SAMD4A: variants seen among roughly 807,000 people sequenced by gnomAD.
SAMD4A encodes protein Smaug homolog 1.
SAMD4A carries 33 observed loss-of-function variants against 81.3 expected under a neutral mutation model. The observed-to-expected ratio is 0.41, with a 90% CI of 0.31 to 0.54. The LOEUF (loss-of-function observed/expected upper bound fraction) is 0.54. Ranked by LOEUF, SAMD4A falls within the 20% of genes least tolerant of loss-of-function variation. The probability of loss-of-function intolerance (pLI) is 0.37; values close to 1 mark genes in which losing one functional copy is unlikely to be tolerated. For missense variants in SAMD4A, 854 were observed against 951.1 expected (o/e 0.90, Z 1.34); for synonymous variants, 389 against 382.1 (o/e 1.02, Z -0.21).
In SAMD4A at chr14:54,593,565, A is replaced by AGAAAT. The variant is rs1448853272; in HGVS notation, c.196+25459_196+25463dup. ...GAAGGAAAGAGGAGATGATTTCAGGAGAAATGAAATCCTGTAAATTATCAT... is the reference window on the plus strand; with the variant it reads ...GAAGGAAAGAGGAGATGATTTCAGGAGAAATGAAATGAAATCCTGTAAATTATCAT... On this transcript the variant is annotated intron_variant, in intron 2 of 12. Transcript: ENST00000554335. Among the ~76,000 whole-genome samples, 4 of 152,324 alleles carry AGAAAT rather than the reference A, an allele frequency of 2.6e-5. No individual in the cohort carries two copies. The East Asian group carries it at 7.7e-4, about 29-fold the overall frequency.
At chr14:54,593,200 A>G (rs1029722043) in intron 2 of SAMD4A, among the ~76,000 whole-genome samples, 23 of 152,278 alleles carry the variant, frequency 1.5e-4, no homozygotes, top group African/African-American at 5.3e-4. Flanking sequence ...GAAAATTTAG[A>G]TGATTTCTAG....
At chr14:54,579,970 C>T (rs1194877308) in intron 2 of SAMD4A, among the ~76,000 whole-genome samples, 1 of 152,146 alleles carries the variant, frequency 6.6e-6, no homozygotes, top group East Asian at 1.9e-4. Context: ...TGGAAATTTT[C>T]AGAACATTAG....
intron 2 of SAMD4A, among the ~76,000 whole-genome samples, chr14:54,673,458 T>G (rs1395868932): frequency 6.6e-6 from 1 of 152,250 alleles, no homozygotes; most frequent in Non-Finnish European, 1.5e-5. Flanking sequence ...ATGGCTACCT[T>G]GTACTCAACC....
At chr14:54,587,201 G>A (rs184036660) in intron 2 of SAMD4A, among the ~76,000 whole-genome samples, 1 of 152,030 alleles carries the variant, frequency 6.6e-6, no homozygotes, top group African/African-American at 2.4e-5. Context: ...TGTGAAAGGG[G>A]TTGAGTTCTC....
rs923306836 is a variant in SAMD4A, at chr14:54,770,220, A to G, written c.1713A>G (p.Arg571=). 11 of 1,600,918 alleles carry G rather than the reference A, an allele frequency of 6.9e-6. No individual in the cohort carries two copies. The highest frequency in any genetic ancestry group is 1.7e-5 in the Admixed American group (1 of 59,650). Residue 571 remains arginine, a splice_region_variant and synonymous_variant, in exon 9 of 13, where the codon AGA becomes AGG. Transcript: ENST00000554335. ...ACATATCAGGATATCGACAGCAAAG[A>G]AAGTATGTTGGGATTTCATTCTTTG... ...LLDISGYRQQ[R]NRGFGQSNSL...
rs557245092 is a variant in SAMD4A, at chr14:54,786,989, T to C, written c.2129-1927T>C. Among the ~76,000 whole-genome samples, 4 of 152,342 alleles carry C rather than the reference T, an allele frequency of 2.6e-5. No homozygotes were observed. The South Asian group carries it at 8.3e-4, about 32-fold the overall frequency. ...GCAAATTAAGTTCAGGGTGGCCTAG[T>C]TGGGCACAGTGGCAGTGTGCCCTCC... On this transcript the variant is annotated intron_variant, in intron 12 of 12. Coordinates refer to ENST00000554335, the MANE Select transcript of SAMD4A (RefSeq NM_015589.6).
rs546835415 is a variant in SAMD4A at position 54,791,876 on chromosome 14, C to T, written c.*2932C>T. 5 of 152,218 alleles carry T rather than the reference C, an allele frequency of 3.3e-5. No homozygotes were observed. In the South Asian group the frequency reaches 1.0e-3, roughly 32 times the overall value. 9.4% of individuals were successfully genotyped at this position (152,218 alleles called of 1,614,324 possible). A position where few individuals can be genotyped will look rare whatever the true frequency, so the allele number is the denominator to read the frequency against. ...TTTTTTTGTATTTACCCATTGACCC[C>T]CACCAAATGCAACTGTTTTATATTA... On this transcript the variant is annotated 3_prime_UTR_variant, in exon 13 of 13. Coordinates refer to ENST00000554335, the MANE Select transcript of SAMD4A (RefSeq NM_015589.6).
intron 3 of SAMD4A, among the ~76,000 whole-genome samples, chr14:54,706,303 G>GAAGA (rs2036855331): frequency 8.7e-6 from 1 of 115,084 alleles, no homozygotes; most frequent in Non-Finnish European, 1.8e-5. Flanking sequence ...AAAAGAAGAA[G>GAAGA]AAGAAGAAAG....
At chr14:54,571,021 T>C (rs113226036) in intron 2 of SAMD4A, among the ~76,000 whole-genome samples, 1,639 of 97,826 alleles carry the variant, frequency 0.017, 33 homozygotes, top group African/African-American at 0.047. Context: ...TGGGACTCGA[T>C]CTCAGTATAA....
chr14:54,604,685 T>C (rs998136156), intron 2 of SAMD4A, among the ~76,000 whole-genome samples: 9 of 152,264 alleles, frequency 5.9e-5, no homozygotes, highest in African/African-American at 1.9e-4. Context: ...CTTAAATTTA[T>C]GTTCTATCTA....
intron 3 of SAMD4A, among the ~76,000 whole-genome samples, chr14:54,707,673 TG>T (rs1221011338): frequency 6.6e-6 from 1 of 151,802 alleles, no homozygotes; most frequent in Non-Finnish European, 1.5e-5. Flanking sequence ...TGAAACAGGG[TG>T]GTCAGGGTAG....
chr14:54,738,580 A>C lies in SAMD4A; in HGVS notation c.979+1293A>C, dbSNP rs141800617. Reference sequence around the variant, plus strand: ...AAAGCCATGTGTCACTTGGGTACGAAGGGGATGTATGTCCTCTTTCTACTT... The same window carrying C: ...AAAGCCATGTGTCACTTGGGTACGACGGGGATGTATGTCCTCTTTCTACTT... On this transcript the variant is annotated intron_variant, in intron 4 of 12. Coordinates refer to ENST00000554335, the MANE Select transcript of SAMD4A (RefSeq NM_015589.6). Among the ~76,000 whole-genome samples, 403 of 152,338 alleles carry C rather than the reference A, an allele frequency of 2.6e-3. 1 individual carries two copies. The highest frequency in any genetic ancestry group is 9.1e-3 in the African/African-American group (380 of 41,570).
Position 54,675,367 on chromosome 14 carries a change from C to CAAAAAAAAAAAAAAAAAAA in SAMD4A, c.197-26693_197-26675dup, listed in dbSNP as rs59110762. ...GGCAACAAGAGTGAAACTCCGTCTC[C>CAAAAAAAAAAAAAAAAAAA]AAAAAAAAAAAAAAAAAAAAGGCAG... On this transcript the variant is annotated intron_variant, in intron 2 of 12. Transcript: ENST00000554335. 2.4e-3 allele frequency among the ~76,000 whole-genome samples: 178 copies of CAAAAAAAAAAAAAAAAAAA among 75,352 alleles called. 7 individuals carry two copies. The highest frequency in any genetic ancestry group is 7.4e-3 in the East Asian group (12 of 1,628). 49.4% of individuals were successfully genotyped at this position (75,352 alleles called of 152,430 possible). A position where few individuals can be genotyped will look rare whatever the true frequency, so the allele number is the denominator to read the frequency against.
chr14:54,763,599 T>C (rs2038461393), intron 7 of SAMD4A, among the ~76,000 whole-genome samples: 1 of 152,208 alleles, frequency 6.6e-6, no homozygotes, highest in South Asian at 2.1e-4. Context: ...CAATCAGCCA[T>C]GCAGGGTTAG....
At chr14:54,594,494 A>G (rs7161002) in intron 2 of SAMD4A, among the ~76,000 whole-genome samples, 1,974 of 152,334 alleles carry the variant, frequency 0.013, 42 homozygotes, top group African/African-American at 0.045. Flanking sequence ...TTTGAAGTAT[A>G]CAGACCACAT....
intron 2 of SAMD4A, among the ~76,000 whole-genome samples, chr14:54,664,200 A>G (rs2035706261): frequency 6.6e-6 from 1 of 152,176 alleles, no homozygotes. Context: ...TCTTTAAAGA[A>G]AGAGAACCTG....
At chr14:54,590,823 G>T (rs1044836793) in intron 2 of SAMD4A, among the ~76,000 whole-genome samples, 1 of 152,198 alleles carries the variant, frequency 6.6e-6, no homozygotes, top group African/African-American at 2.4e-5. Context: ...CCACCTTAGG[G>T]TTTGAGAAAT....
chr14:54,705,330 A>G (rs906207648), intron 3 of SAMD4A, among the ~76,000 whole-genome samples: 1 of 152,208 alleles, frequency 6.6e-6, no homozygotes, highest in African/African-American at 2.4e-5. Flanking sequence ...GCAGTATTCT[A>G]AGGGGCCTTG....
Position 54,789,213 on chromosome 14 carries a change from G to T in SAMD4A, c.*269G>T. On this transcript the variant is annotated 3_prime_UTR_variant, in exon 13 of 13. Transcript: ENST00000554335. ...GGTCTCTAGGGAATTATGAGACTGG[G>T]AGGGGGGTGGAGGGAATGCAGGTAG... 1 of 471,126 alleles carries T rather than the reference G, an allele frequency of 2.1e-6. No homozygotes were observed. Among genetic ancestry groups the T allele is most frequent in the Non-Finnish European group, 3.9e-6 (1 of 256,792 alleles). 29.2% of individuals were successfully genotyped at this position (471,126 alleles called of 1,614,324 possible). A position where few individuals can be genotyped will look rare whatever the true frequency, so the allele number is the denominator to read the frequency against.
Sources: gnomAD v4.1 joint callset for allele counts (sites outside exome capture counted in the v4.1 genomes callset) on GRCh38, gnomAD v4.1.1 for gene constraint, MANE v1.5 for transcripts, NCBI Gene and HGNC (gene_info 2026-07-23, HGNC 2026-07-21) for gene names.